The following ACACA variants were observed in gnomAD, a reference collection of about 807,000 sequenced individuals.
ACACA encodes acetyl-CoA carboxylase 1.
In ACACA, 103 loss-of-function variants were observed where a neutral mutation model predicts 296.1. The ratio of observed to expected loss-of-function variants is 0.35; its 90% confidence interval spans 0.30 to 0.41. The LOEUF is 0.41. ACACA is among the 10% of genes least tolerant of loss of function. ACACA has a pLI of 1.00. For missense variants in ACACA, 1,554 were observed against 2,989.7 expected (o/e 0.52, Z 11.20); for synonymous variants, 953 against 1,038.6 (o/e 0.92, Z 1.58).
At chr17:37,242,114 G>T in intron 22 of ACACA, 61 bp from the exon 23 acceptor site, 1 of 1,242,014 alleles carries the variant, frequency 8.1e-7, no homozygotes, top group Non-Finnish European at 1.2e-6. Flanking sequence ...CAAAGCATCA[G>T]CCTCTATAGC....
chr17:37,399,715 C>T (rs1481419191), intron 1 of ACACA, among the ~76,000 whole-genome samples: 3 of 152,064 alleles, frequency 2.0e-5, no homozygotes, highest in Non-Finnish European at 4.4e-5. Flanking sequence ...AGATGGGTAA[C>T]GAAGGCCTGG....
At chr17:37,336,474 C>T (rs914091182) in intron 2 of ACACA, among the ~76,000 whole-genome samples, 6 of 152,190 alleles carry the variant, frequency 3.9e-5, no homozygotes, top group Admixed American at 2.6e-4. Flanking sequence ...CCCAACCAAT[C>T]AGATACTAAA....
chr17:37,335,550 G>A (rs1011030855), intron 2 of ACACA, among the ~76,000 whole-genome samples: 7 of 152,044 alleles, frequency 4.6e-5, no homozygotes, highest in Non-Finnish European at 7.4e-5. Context: ...CATTCTTAGT[G>A]GCCCCTATGC....
intron 43 of ACACA, among the ~76,000 whole-genome samples, chr17:37,155,156 A>G (rs1452766849): frequency 6.6e-6 from 1 of 152,148 alleles, no homozygotes; most frequent in Non-Finnish European, 1.5e-5. Flanking sequence ...AAGTGGGTTC[A>G]GCCAAGGGAT....
chr17:37,327,024 C>G (rs1212192754), intron 3 of ACACA, among the ~76,000 whole-genome samples: 1 of 152,108 alleles, frequency 6.6e-6, no homozygotes, highest in Non-Finnish European at 1.5e-5. Flanking sequence ...ATGGCAATTA[C>G]TTCATTTGGT....
chr17:37,131,322 T>C (rs914363488), intron 45 of ACACA, among the ~76,000 whole-genome samples: 5 of 152,156 alleles, frequency 3.3e-5, no homozygotes, highest in Non-Finnish European at 7.4e-5. Context: ...GACTGGTTAA[T>C]AATTTCTTTC....
At chr17:37,405,599 C>T (rs548374803) in intron 1 of ACACA, among the ~76,000 whole-genome samples, 1 of 152,244 alleles carries the variant, frequency 6.6e-6, no homozygotes, top group Admixed American at 6.5e-5. Context: ...GTTGCCCAGG[C>T]TGGAGTGGAA....
chr17:37,224,928 G>T, intron 27 of ACACA, 64 bp downstream of exon 27: 2 of 693,920 alleles, frequency 2.9e-6, no homozygotes, highest in Non-Finnish European at 4.4e-6. Flanking sequence ...CTATGCTTGA[G>T]AATAAAGGAG....
chr17:37,175,055 A>G (rs2077058403), intron 41 of ACACA, among the ~76,000 whole-genome samples: 1 of 152,214 alleles, frequency 6.6e-6, no homozygotes, highest in African/African-American at 2.4e-5. Context: ...TGATATGGTA[A>G]GAAAAACAGG....
chr17:37,259,296 T>A, intron 12 of ACACA, 64 bp downstream of exon 12: 1 of 1,589,810 alleles, frequency 6.3e-7, no homozygotes, highest in East Asian at 2.2e-5. Flanking sequence ...ACACACTGGT[T>A]AAACCCATTT....
chr17:37,243,705 G>A (rs2080535546), intron 21 of ACACA, 146 bp from the exon 22 acceptor site: 7 of 792,052 alleles, frequency 8.8e-6, no homozygotes, highest in Admixed American at 2.1e-5. Context: ...TGAGCCCTAC[G>A]GAACCCATGT....
intron 10 of ACACA, among the ~76,000 whole-genome samples, chr17:37,266,102 G>A (rs1325460360): frequency 6.6e-6 from 1 of 152,172 alleles, no homozygotes; most frequent in Admixed American, 6.5e-5. Context: ...ACGTCAGGAT[G>A]CTGTGAGACA....
chr17:37,119,362 AAC>A (rs2074408215), intron 50 of ACACA, among the ~76,000 whole-genome samples: 2 of 152,248 alleles, frequency 1.3e-5, no homozygotes, highest in East Asian at 1.9e-4. Flanking sequence ...CATAGTTCCT[AAC>A]ACACAGAACT....
At chr17:37,093,529 ACT>A (rs2072784340) in intron 54 of ACACA, among the ~76,000 whole-genome samples, 1 of 152,156 alleles carries the variant, frequency 6.6e-6, no homozygotes, top group African/African-American at 2.4e-5. Flanking sequence ...ACAGGGTCTC[ACT>A]CTGTTGCCCA....
intron 3 of ACACA, among the ~76,000 whole-genome samples, chr17:37,295,706 C>T (rs1200979901): frequency 5.9e-5 from 9 of 152,012 alleles, no homozygotes; most frequent in Non-Finnish European, 1.3e-4. Context: ...GGGTGGATCA[C>T]GAGGTCAGGA....
At chr17:37,351,538 G>A (rs2048903475) in intron 1 of ACACA, among the ~76,000 whole-genome samples, 1 of 152,164 alleles carries the variant, frequency 6.6e-6, no homozygotes, top group African/African-American at 2.4e-5. Flanking sequence ...TTTTAAGTAA[G>A]TTTAATAAAA....
intron 41 of ACACA, chr17:37,162,766 TA>T: frequency 5.1e-6 from 1 of 196,740 alleles, no homozygotes; most frequent in South Asian, 7.7e-5. Context: ...GTATCTCAGC[TA>T]AAGAAGATAA....
intron 1 of ACACA, among the ~76,000 whole-genome samples, chr17:37,348,982 A>C (rs1432049900): frequency 6.6e-6 from 1 of 151,618 alleles, no homozygotes; most frequent in Non-Finnish European, 1.5e-5. Flanking sequence ...GCAATAACTG[A>C]TGTTGGCAAA....
intron 3 of ACACA, chr17:37,299,341 G>T: frequency 6.2e-7 from 1 of 1,613,702 alleles, no homozygotes; most frequent in Non-Finnish European, 8.5e-7. Flanking sequence ...ATATCAAGAT[G>T]GGAAAAGAAT....
Sources: allele counts gnomAD v4.1 joint callset (sites outside exome capture counted in the v4.1 genomes callset), GRCh38; gene constraint gnomAD v4.1.1; transcripts MANE v1.5; gene names NCBI Gene and HGNC (gene_info 2026-07-23, HGNC 2026-07-21).